The following PTBP3 variants were observed in gnomAD, a reference collection of about 807,000 sequenced individuals.
PTBP3 encodes polypyrimidine tract binding protein 3.
PTBP3 carries 20 observed loss-of-function variants against 58.7 expected under a neutral mutation model. That is an observed-to-expected ratio of 0.34 (90% CI 0.24 to 0.50). The LOEUF (loss-of-function observed/expected upper bound fraction) is 0.50. Ranked by LOEUF, PTBP3 falls within the 20% of genes least tolerant of loss-of-function variation. The pLI, the probability that PTBP3 is intolerant of heterozygous loss-of-function variation, is 0.98. For synonymous variants in PTBP3, 185 were observed against 219.8 expected (o/e 0.84, Z 1.40); for missense variants, 509 against 637.2 (o/e 0.80, Z 2.17).
the PTBP3 span, among the ~76,000 whole-genome samples, chr9:112,341,509 T>G: frequency 3.3e-5 from 5 of 151,776 alleles, no homozygotes; most frequent in African/African-American, 4.8e-5. Context: ...TGTGTGTGTG[T>G]TGTTGTTGTT....
chr9:112,332,881 T>C (rs756501979), intron 1 of PTBP3: 1 of 1,607,416 alleles, frequency 6.2e-7, no homozygotes, highest in East Asian at 2.2e-5. Flanking sequence ...GAGAAAGCGT[T>C]AACGTATCTC....
At chr9:112,363,516 T>TCACACACACACA in the PTBP3 span, among the ~76,000 whole-genome samples, 388 of 134,848 alleles carry the variant, frequency 2.9e-3, 2 homozygotes, top group East Asian at 0.01. Context: ...AGCAAAACTG[T>TCACACACACACA]CACACACACA....
intron 6 of PTBP3, 129 bp downstream of exon 6, chr9:112,252,549 A>G (rs1026911125): frequency 1.4e-6 from 1 of 692,514 alleles, no homozygotes; most frequent in Non-Finnish European, 2.5e-6. Context: ...ATACACTTTA[A>G]AACGACTAAA....
At chr9:112,322,773 C>T (rs1830005934) in intron 1 of PTBP3, among the ~76,000 whole-genome samples, 1 of 152,220 alleles carries the variant, frequency 6.6e-6, no homozygotes, top group African/African-American at 2.4e-5. Flanking sequence ...AAAATAACAA[C>T]TTTAACCACA....
chr9:112,264,072 T>C (rs1195653244), intron 4 of PTBP3, among the ~76,000 whole-genome samples: 1 of 152,108 alleles, frequency 6.6e-6, no homozygotes, highest in East Asian at 1.9e-4. Context: ...GGTAACAAAC[T>C]CTTTGGAATA....
intron 1 of PTBP3, among the ~76,000 whole-genome samples, chr9:112,305,841 G>A (rs930962003): frequency 6.6e-6 from 1 of 152,188 alleles, no homozygotes; most frequent in African/African-American, 2.4e-5. Flanking sequence ...TCGGAAGGCT[G>A]AGGCAGGAGA....
chr9:112,305,749 G>A (rs1461809500), intron 1 of PTBP3, among the ~76,000 whole-genome samples: 1 of 152,066 alleles, frequency 6.6e-6, no homozygotes, highest in African/African-American at 2.4e-5. Context: ...GACCACCCTG[G>A]CTGACACGGT....
intron 5 of PTBP3, among the ~76,000 whole-genome samples, chr9:112,259,883 G>C (rs1343220008): frequency 6.6e-6 from 1 of 152,152 alleles, no homozygotes. Flanking sequence ...GAAAGAACTA[G>C]TTTCTTACAT....
chr9:112,224,422 T>C (rs952661328), intron 12 of PTBP3, among the ~76,000 whole-genome samples: 4 of 152,244 alleles, frequency 2.6e-5, no homozygotes, highest in Admixed American at 6.5e-5. Flanking sequence ...GCAGAAGACA[T>C]GTGCAGGTAT....
Position 112,220,279 on chromosome 9 carries a change from C to G in PTBP3, c.*3572G>C, listed in dbSNP as rs1333366763. On this transcript the variant is annotated 3_prime_UTR_variant, in exon 14 of 14. Coordinates refer to ENST00000374257, the MANE Select transcript of PTBP3 (RefSeq NM_001163788.4). Reference sequence around the variant, plus strand: ...GATGGCACGGAGACACTGAAAAGAACAGAGAGCCAGGCGTGGTGGCTCATG... The same window carrying G: ...GATGGCACGGAGACACTGAAAAGAAGAGAGAGCCAGGCGTGGTGGCTCATG... 6.0e-6 allele frequency: 8 copies of G among 1,328,962 alleles called. No homozygotes were observed. In the South Asian group the frequency reaches 8.3e-5, roughly 14 times the overall value. The allele number at this position is 1,328,962 out of a possible 1,614,324, so 82.3% of individuals were successfully genotyped here. A position where few individuals can be genotyped will look rare whatever the true frequency, so the allele number is the denominator to read the frequency against.
At chr9:112,375,486 G>A in the PTBP3 span, among the ~76,000 whole-genome samples, 1 of 152,154 alleles carries the variant, frequency 6.6e-6, no homozygotes, top group Admixed American at 6.5e-5. Flanking sequence ...GATGATGCCT[G>A]CGTATCATGC....
chr9:112,362,724 T>A, the PTBP3 span: 1 of 197,724 alleles, frequency 5.1e-6, no homozygotes, highest in African/African-American at 2.4e-5. Context: ...ATGGCCACCA[T>A]CAGACCCCTC....
Position 112,262,502 on chromosome 9 carries a change from T to C in PTBP3, c.449A>G (p.Gln150Arg). The change falls in exon 5 of 14, where the codon CAG becomes CGG. Residue 150 changes from glutamine to arginine, a missense_variant. This residue lies in a region of PTBP3 where 212 missense variants were observed against 215.3 expected (regional missense o/e 0.98). Coordinates refer to ENST00000374257, the MANE Select transcript of PTBP3 (RefSeq NM_001163788.4). ...PSNEGTVLPG[Q>R]SPVLRIIIEN... ...AATAATTATTCGAAGCACAGGGCTCTGCCCAGGTAGGACTGTGCCTTCATT... is the reference window on the plus strand; with the variant it reads ...AATAATTATTCGAAGCACAGGGCTCCGCCCAGGTAGGACTGTGCCTTCATT... 6.2e-7 allele frequency: 1 copy of C among 1,611,716 alleles called. No individual in the cohort carries two copies.
chr9:112,357,494 C>T, the PTBP3 span, among the ~76,000 whole-genome samples: 6 of 152,084 alleles, frequency 3.9e-5, no homozygotes, highest in African/African-American at 7.2e-5. Flanking sequence ...TGAGACTACG[C>T]GCAGGCAGCC....
chr9:112,232,259 A>G, intron 8 of PTBP3, 21 bp from the exon 9 acceptor site: 2 of 1,562,980 alleles, frequency 1.3e-6, no homozygotes, highest in South Asian at 1.2e-5. Flanking sequence ...TACCAAAAGC[A>G]TTTCATATTC....
chr9:112,282,065 A>G (rs1827891766), intron 2 of PTBP3, among the ~76,000 whole-genome samples: 1 of 152,168 alleles, frequency 6.6e-6, no homozygotes, highest in Non-Finnish European at 1.5e-5. Flanking sequence ...AAGTAGTCTA[A>G]TCCAATCCCC....
chr9:112,263,775 T>C (rs1385167282), intron 4 of PTBP3, among the ~76,000 whole-genome samples: 4 of 152,198 alleles, frequency 2.6e-5, no homozygotes, highest in South Asian at 2.1e-4. Context: ...TGTATTCTGG[T>C]TGATAGAAGA....
chr9:112,307,181 G>A (rs1018326257), intron 1 of PTBP3, among the ~76,000 whole-genome samples: 7 of 152,098 alleles, frequency 4.6e-5, no homozygotes, highest in South Asian at 4.1e-4. Context: ...TGCCAGGCGC[G>A]GTGGCTCACG....
intron 7 of PTBP3, chr9:112,242,867 T>C (rs1163353856): frequency 6.6e-6 from 1 of 152,224 alleles, no homozygotes; most frequent in Non-Finnish European, 1.5e-5. Context: ...CTAAGATCCA[T>C]TTCAATTTAA....
Sources: allele counts gnomAD v4.1 joint callset (sites outside exome capture counted in the v4.1 genomes callset), GRCh38; gene constraint gnomAD v4.1.1; regional missense constraint gnomAD v4.1.1; transcripts MANE v1.5; gene names NCBI Gene and HGNC (gene_info 2026-07-23, HGNC 2026-07-21).